The following DOP1B variants were observed in gnomAD, a reference collection of about 807,000 sequenced individuals.
DOP1B encodes protein DOP1B.
In DOP1B, 174 loss-of-function variants were observed where a neutral mutation model predicts 233.5. The observed-to-expected ratio is 0.75, with a 90% CI of 0.66 to 0.85. DOP1B has a LOEUF of 0.85. Among genes scored for constraint, DOP1B ranks in the 40% least tolerant of loss-of-function variants. The pLI is 0.00. For missense variants in DOP1B, 2,652 were observed against 2,846.6 expected (o/e 0.93, Z 1.56); for synonymous variants, 1,190 against 1,185.6 (o/e 1.00, Z -0.08).
intron 4 of DOP1B, among the ~76,000 whole-genome samples, chr21:36,203,875 T>C (rs2066399582): frequency 7.5e-6 from 1 of 133,632 alleles, no homozygotes; most frequent in Non-Finnish European, 1.6e-5. Flanking sequence ...TCAGAAATCC[T>C]TTTTTTTTTT....
At chr21:36,209,437 C>T (rs1348251090) in intron 5 of DOP1B, among the ~76,000 whole-genome samples, 1 of 152,214 alleles carries the variant, frequency 6.6e-6, no homozygotes, top group East Asian at 1.9e-4. Context: ...CTCAGAGGTC[C>T]CTTCTGGAGG....
At position 36,225,608 on chromosome 21, in the gene DOP1B, C is replaced by A. The variant is rs374472573; in HGVS notation, c.1414C>A (p.Pro472Thr). Reference sequence around the variant, plus strand: ...CAGCGTGAGGAACAGCGTCAGCCCTCCCCCCACGGTCTCGGAGCTCTGCGC... The same window carrying A: ...CAGCGTGAGGAACAGCGTCAGCCCTACCCCCACGGTCTCGGAGCTCTGCGC... ...RYSVRNSVSPPPTVSELCALL... is the reference protein window; with the variant it reads ...RYSVRNSVSPTPTVSELCALL... The change falls in exon 12 of 37, where the codon CCC (proline) becomes ACC (threonine). Residue 472 changes from proline (P) to threonine (T), a missense_variant. Physicochemically the swap from Pro to Thr is conservative, Grantham distance 38 (BLOSUM62 -1). Transcript: ENST00000691173. The A allele has an allele frequency of 3.1e-6, 5 of 1,613,952 alleles. No homozygotes were observed. The African/African-American group carries it at 5.3e-5, about 17-fold the overall frequency.
At chr21:36,216,276 A>C (rs1029678921) in intron 9 of DOP1B, among the ~76,000 whole-genome samples, 1 of 89,962 alleles carries the variant, frequency 1.1e-5, no homozygotes, top group Non-Finnish European at 2.3e-5. Context: ...GCGCCACTGC[A>C]CTCCAGCCTG....
intron 2 of DOP1B, among the ~76,000 whole-genome samples, chr21:36,174,348 C>T (rs1445060857): frequency 3.9e-5 from 6 of 152,008 alleles, no homozygotes; most frequent in East Asian, 1.9e-4. Flanking sequence ...ATTAGCCGGG[C>T]GTGATGGCAG....
chr21:36,223,411 GT>G (rs568390977), intron 11 of DOP1B, 61 bp downstream of exon 11: 169 of 1,569,050 alleles, frequency 1.1e-4, no homozygotes, highest in Admixed American at 5.0e-4. Flanking sequence ...TAATAATTTT[GT>G]AGCTGCTTAG....
chr21:36,219,072 C>T (rs2066594604), intron 9 of DOP1B, among the ~76,000 whole-genome samples: 1 of 152,166 alleles, frequency 6.6e-6, no homozygotes, highest in Non-Finnish European at 1.5e-5. Context: ...TATGTGTAAT[C>T]AGCAGTACAG....
Position 36,212,082 on chromosome 21 carries a change from T to TATGC in DOP1B, c.893_896dup (p.Trp299CysfsTer18). 1.2e-6 allele frequency: 2 copies of TATGC among 1,610,690 alleles called. No homozygotes were observed. Among genetic ancestry groups the TATGC allele is most frequent in the Non-Finnish European group, 1.7e-6 (2 of 1,178,924 alleles). On this transcript the variant is annotated frameshift_variant, in exon 7 of 37. Transcript: ENST00000691173. LOFTEE classifies it high-confidence loss of function. ...GGACATGTCCCTGAACAGAAGACTG[T>TATGC]ATGCATGGTTACTAGGTACTGAGCA...
At chr21:36,251,936 C>T (rs2067036590) in intron 22 of DOP1B, among the ~76,000 whole-genome samples, 1 of 152,124 alleles carries the variant, frequency 6.6e-6, no homozygotes, top group South Asian at 2.1e-4. Context: ...CACAGTGGCT[C>T]ACACCTATAA....
At chr21:36,249,690 A>AG (rs2067011253) in intron 21 of DOP1B, among the ~76,000 whole-genome samples, 1 of 152,178 alleles carries the variant, frequency 6.6e-6, no homozygotes, top group African/African-American at 2.4e-5. Flanking sequence ...AGAAGGCTGT[A>AG]GGCGCAGGAC....
chr21:36,275,634 A>AG (rs1286285875), intron 27 of DOP1B, among the ~76,000 whole-genome samples: 1 of 151,516 alleles, frequency 6.6e-6, no homozygotes, highest in East Asian at 1.9e-4. Flanking sequence ...AAAAAAAAAA[A>AG]GAATTATGTT....
intron 9 of DOP1B, among the ~76,000 whole-genome samples, chr21:36,219,026 G>C (rs919543450): frequency 6.6e-6 from 1 of 152,114 alleles, no homozygotes; most frequent in African/African-American, 2.4e-5. Flanking sequence ...ATCTGCTTTG[G>C]GCAAGTTACT....
At chr21:36,237,121 G>GTC in intron 15 of DOP1B, 141 bp from the exon 16 acceptor site, 1 of 1,181,668 alleles carries the variant, frequency 8.5e-7, no homozygotes, top group Non-Finnish European at 1.2e-6. Context: ...TTGGTGATTT[G>GTC]TCTCTGAGCA....
intron 4 of DOP1B, among the ~76,000 whole-genome samples, chr21:36,201,962 A>C (rs895231919): frequency 2.6e-5 from 4 of 152,074 alleles, no homozygotes; most frequent in African/African-American, 7.2e-5. Context: ...GAGCAGGTGG[A>C]TCACTTGAGG....
At chr21:36,183,813 C>CTGG (rs1451793542) in intron 2 of DOP1B, among the ~76,000 whole-genome samples, 2 of 151,504 alleles carry the variant, frequency 1.3e-5, no homozygotes, top group African/African-American at 4.9e-5. Flanking sequence ...TTGAATGTAT[C>CTGG]TGGAGATAGC....
intron 2 of DOP1B, among the ~76,000 whole-genome samples, chr21:36,195,486 A>G (rs573415517): frequency 1.2e-4 from 18 of 152,228 alleles, no homozygotes; most frequent in African/African-American, 1.7e-4. Flanking sequence ...GTGAGTTGCA[A>G]TCACACCACT....
intron 15 of DOP1B, among the ~76,000 whole-genome samples, chr21:36,233,819 T>G (rs146849170): frequency 6.6e-6 from 1 of 152,094 alleles, no homozygotes; most frequent in Non-Finnish European, 1.5e-5. Context: ...CGGTGTCAGG[T>G]CCTGGGGGAG....
intron 4 of DOP1B, among the ~76,000 whole-genome samples, chr21:36,201,085 C>T (rs1268281279): frequency 2.6e-5 from 4 of 152,122 alleles, no homozygotes; most frequent in Non-Finnish European, 1.5e-5. Flanking sequence ...TGTCCTGTCC[C>T]GTTACGGAGT....
At chr21:36,275,895 G>A (rs76545840) in intron 27 of DOP1B, among the ~76,000 whole-genome samples, 5,519 of 152,202 alleles carry the variant, frequency 0.036, 206 homozygotes, top group African/African-American at 0.097. Flanking sequence ...GTGGGTGGGA[G>A]GTGAGGACCT....
intron 2 of DOP1B, among the ~76,000 whole-genome samples, chr21:36,165,306 T>A (rs902005159): frequency 3.3e-5 from 5 of 152,262 alleles, no homozygotes; most frequent in Non-Finnish European, 7.3e-5. Flanking sequence ...ATTTTTCTTC[T>A]TTGATCTACT....
Sources: allele counts gnomAD v4.1 joint callset (sites outside exome capture counted in the v4.1 genomes callset), GRCh38; gene constraint gnomAD v4.1.1; transcripts MANE v1.5; gene names NCBI Gene and HGNC (gene_info 2026-07-23, HGNC 2026-07-21).